The following TANC2 variants were observed in gnomAD, a reference collection of about 807,000 sequenced individuals.
The protein encoded by TANC2 is tetratricopeptide repeat, ankyrin repeat and coiled-coil containing 2, also known as protein TANC2.
TANC2 carries 26 observed loss-of-function variants against 210.5 expected under a neutral mutation model. The ratio of observed to expected loss-of-function variants is 0.12; its 90% CI spans 0.09 to 0.17. The LOEUF (loss-of-function observed/expected upper bound fraction) is 0.17. Among genes scored for constraint, TANC2 ranks in the 10% least tolerant of loss-of-function variants. TANC2 has a pLI of 1.00. For missense variants in TANC2, 2,129 were observed against 2,608.9 expected (o/e 0.82, Z 4.01); for synonymous variants, 931 against 967.1 (o/e 0.96, Z 0.69).
At chr17:62,973,078 G>A (rs2031801450) in intron 1 of TANC2, among the ~76,000 whole-genome samples, 1 of 151,080 alleles carries the variant, frequency 6.6e-6, no homozygotes. Flanking sequence ...GCCTAGGCTA[G>A]AGTGTAATGG....
At chr17:62,987,664 C>T (rs2032638493) in intron 1 of TANC2, among the ~76,000 whole-genome samples, 2 of 152,148 alleles carry the variant, frequency 1.3e-5, no homozygotes, top group Admixed American at 1.3e-4. Context: ...AGGCTGGGTA[C>T]CTCCATGCTG....
chr17:63,312,864 G>A (rs2045176335), intron 9 of TANC2, among the ~76,000 whole-genome samples: 1 of 152,044 alleles, frequency 6.6e-6, no homozygotes, highest in African/African-American at 2.4e-5. Flanking sequence ...AAAACTTTGG[G>A]CATTTTGTTT....
chr17:62,979,669 G>A (rs2032202640), intron 1 of TANC2, among the ~76,000 whole-genome samples: 1 of 152,142 alleles, frequency 6.6e-6, no homozygotes. Context: ...TCCTAGTATT[G>A]GGAGGCTGAG....
At chr17:63,002,684 T>C (rs944371137) in intron 1 of TANC2, among the ~76,000 whole-genome samples, 1 of 152,216 alleles carries the variant, frequency 6.6e-6, no homozygotes, top group Non-Finnish European at 1.5e-5. Flanking sequence ...ACAACCATTA[T>C]TCTGATTTTT....
chr17:63,143,168 A>G (rs934393892), intron 4 of TANC2, among the ~76,000 whole-genome samples: 1 of 152,230 alleles, frequency 6.6e-6, no homozygotes, highest in Non-Finnish European at 1.5e-5. Flanking sequence ...ATTTTCATTT[A>G]AACTGTCATT....
intron 14 of TANC2, among the ~76,000 whole-genome samples, chr17:63,361,928 T>C (rs1029594555): frequency 6.6e-6 from 1 of 151,928 alleles, no homozygotes; most frequent in Non-Finnish European, 1.5e-5. Flanking sequence ...GAGACCTGGA[T>C]TGAGTAGCTC....
At chr17:63,033,683 G>A (rs924709385) in intron 2 of TANC2, among the ~76,000 whole-genome samples, 3 of 152,076 alleles carry the variant, frequency 2.0e-5, no homozygotes, top group African/African-American at 4.8e-5. Flanking sequence ...AAGTGACTGG[G>A]TGAATGATGG....
chr17:63,112,152 C>T (rs1034634746), intron 4 of TANC2, among the ~76,000 whole-genome samples: 2 of 152,142 alleles, frequency 1.3e-5, no homozygotes, highest in Non-Finnish European at 1.5e-5. Flanking sequence ...GTTGAATTGA[C>T]GGTCCAGCAT....
At chr17:63,177,971 T>G (rs562535321) in intron 5 of TANC2, among the ~76,000 whole-genome samples, 244 of 152,296 alleles carry the variant, frequency 1.6e-3, no homozygotes, top group African/African-American at 5.7e-3. Flanking sequence ...CAACTCTTGT[T>G]TCTTATATTT....
chr17:63,354,761 TTC>T lies in TANC2; in HGVS notation c.1975-13_1975-12del. 6.5e-7 allele frequency: 1 copy of T among 1,536,972 alleles called. No individual in the cohort carries two copies. Among genetic ancestry groups the T allele is most frequent in the African/African-American group, 1.4e-5 (1 of 72,164 alleles). On this transcript the variant is annotated intron_variant, in intron 13 of 27. Coordinates refer to ENST00000689528, the Ensembl canonical transcript of TANC2. ...GGAAACTGAAGGTCTTTCTGTCTCT[TTC>T]TCTCTCTCCATCTTTTTAGGAAATT...
intron 5 of TANC2, among the ~76,000 whole-genome samples, chr17:63,170,270 CAA>C (rs1390152774): frequency 8.2e-6 from 1 of 122,420 alleles, no homozygotes; most frequent in African/African-American, 3.0e-5. Flanking sequence ...ACTAAAAATA[CAA>C]AAAAAAAAAA....
At chr17:63,409,780 A>G (rs1035583453) in intron 21 of TANC2, among the ~76,000 whole-genome samples, 12 of 152,246 alleles carry the variant, frequency 7.9e-5, no homozygotes, top group African/African-American at 2.9e-4. Flanking sequence ...AAACATATCT[A>G]ACCATAAAAA....
rs561314584 is a variant in TANC2, at chr17:63,420,830, C to T, written c.5100C>T (p.Asn1700=). ...CCAAGGCCCAGATTGTGAGAAGTAA[C>T]CAGCCCAGCCCAGCCGTCCATTCAA... Residue 1700 remains asparagine, a synonymous_variant, in exon 28 of 28, where the codon AAC becomes AAT. Coordinates refer to ENST00000689528, the Ensembl canonical transcript of TANC2. The surrounding 1 kb of genome is among the most constrained non-coding windows in gnomAD (Gnocchi z 4.2). The T allele has an allele frequency of 9.3e-6, 15 of 1,613,952 alleles. 1 individual carries two copies. The highest frequency in any genetic ancestry group is 1.3e-5 in the Non-Finnish European group (15 of 1,179,874).
rs188286558 is a variant in TANC2 at position 63,274,384 on chromosome 17, G to T, written c.1159+6511G>T. On this transcript the variant is annotated intron_variant, in intron 9 of 27. Transcript: ENST00000689528. ...AAGAGCTTGAATACTAATGATAAAA[G>T]TCATAGAAGATTGTGTACTAGTACA... 1.7e-4 allele frequency among the ~76,000 whole-genome samples: 26 copies of T among 152,206 alleles called. 1 individual carries two copies. The highest frequency in any genetic ancestry group is 5.2e-4 in the Admixed American group (8 of 15,286).
chr17:63,128,705 TGTATATA>T (rs2038804217), intron 4 of TANC2, among the ~76,000 whole-genome samples: 1 of 152,208 alleles, frequency 6.6e-6, no homozygotes, highest in Admixed American at 6.5e-5. Flanking sequence ...AGAGGACTTC[TGTATATA>T]TTACCTTCAT....
In TANC2 at chr17:63,412,603, C is replaced by A. The variant is rs2048738236; in HGVS notation, c.3899-77C>A. ...TGCCTGCCTCTCACTGCTGCTTTTT[C>A]CTTCTTTTTTTTTTTTTCACCTTCA... On this transcript the variant is annotated intron_variant, in intron 23 of 27. Coordinates refer to ENST00000689528, the Ensembl canonical transcript of TANC2. This position sits in a 1 kb window ranked among gnomAD's most constrained non-coding sequence, Gnocchi z 4.2. 1.3e-5 allele frequency: 17 copies of A among 1,357,658 alleles called. No homozygotes were observed. Among genetic ancestry groups the A allele is most frequent in the Non-Finnish European group, 1.6e-5 (16 of 988,420 alleles). 84.1% of individuals were successfully genotyped at this position (1,357,658 alleles called of 1,614,324 possible). A position where few individuals can be genotyped will look rare whatever the true frequency, so the allele number is the denominator to read the frequency against.
chr17:63,234,072 G>A (rs2042552887), intron 7 of TANC2, among the ~76,000 whole-genome samples: 1 of 152,318 alleles, frequency 6.6e-6, no homozygotes, highest in African/African-American at 2.4e-5. Flanking sequence ...TGAAGTCCTT[G>A]ACCATTATTG....
At chr17:63,139,999 C>T (rs1199024127) in intron 4 of TANC2, among the ~76,000 whole-genome samples, 2 of 152,154 alleles carry the variant, frequency 1.3e-5, no homozygotes. Flanking sequence ...CTGATTATAA[C>T]TACTTTTTGT....
chr17:63,169,227 C>T (rs570918090), intron 5 of TANC2, among the ~76,000 whole-genome samples: 10 of 152,298 alleles, frequency 6.6e-5, no homozygotes, highest in Non-Finnish European at 7.4e-5. Context: ...TAGCTATAGT[C>T]CTCTAATGCT....
Sources: allele counts gnomAD v4.1 joint callset (sites outside exome capture counted in the v4.1 genomes callset), GRCh38; gene constraint gnomAD v4.1.1; non-coding constraint Gnocchi (gnomAD v3.1); transcripts MANE v1.5; gene names NCBI Gene and HGNC (gene_info 2026-07-23, HGNC 2026-07-21).